RBPJ: variants seen among roughly 807,000 people sequenced by gnomAD.
RBPJ encodes the protein recombination signal binding protein for immunoglobulin kappa J region.
RBPJ carries 9 observed loss-of-function variants against 67.8 expected under a neutral mutation model. That is an observed-to-expected ratio of 0.13 (90% CI 0.08 to 0.23). RBPJ has a LOEUF of 0.23. Among genes scored for constraint, RBPJ ranks in the 10% least tolerant of loss-of-function variants. RBPJ has a pLI of 1.00. For synonymous variants in RBPJ, 198 were observed against 203.3 expected (o/e 0.97, Z 0.22); for missense variants, 305 against 595.6 (o/e 0.51, Z 5.08).
At chr4:26,140,842 T>TAAAA in the RBPJ span, among the ~76,000 whole-genome samples, 2 of 149,872 alleles carry the variant, frequency 1.3e-5, no homozygotes, top group East Asian at 3.9e-4. Context: ...CACAAATAAA[T>TAAAA]AAATAAATAA....
At chr4:26,194,802 TCA>T (rs1418674243) in intron 1 of RBPJ, among the ~76,000 whole-genome samples, 1 of 152,212 alleles carries the variant, frequency 6.6e-6, no homozygotes, top group African/African-American at 2.4e-5. Context: ...AATGTCTCCC[TCA>T]GAGAGTGGCT....
At chr4:26,135,098 T>TGCCTC in the RBPJ span, among the ~76,000 whole-genome samples, 1 of 152,140 alleles carries the variant, frequency 6.6e-6, no homozygotes, top group African/African-American at 2.4e-5. Flanking sequence ...CAGCTTGCCT[T>TGCCTC]GCCTCTTGAA....
rs185267925 is a variant in RBPJ, at chr4:26,169,932, G to A, written c.-167+6318G>A. 9.2e-3 allele frequency among the ~76,000 whole-genome samples: 1,401 copies of A among 152,270 alleles called. 22 individuals carry two copies. Among genetic ancestry groups the A allele is most frequent in the African/African-American group, 0.032 (1,320 of 41,552 alleles). On this transcript the variant is annotated intron_variant, in intron 1 of 4. Coordinates refer to the RBPJ transcript ENST00000512351. ...CATTTCCTAAGCCCGTCAGAAAAGC[G>A]CAGTATTTGGGTGGGTGTGGCCCGA... is the stretch of plus-strand genomic sequence containing the variant.
At chr4:26,224,680 C>CA (rs1393809143) in intron 1 of RBPJ, among the ~76,000 whole-genome samples, 1 of 152,128 alleles carries the variant, frequency 6.6e-6, no homozygotes, top group Admixed American at 6.5e-5. Flanking sequence ...TTCTTGATGG[C>CA]AGAATCCAAG....
chr4:26,360,547 T>C (rs1484125349), intron 1 of RBPJ, among the ~76,000 whole-genome samples: 1 of 151,258 alleles, frequency 6.6e-6, no homozygotes, highest in Non-Finnish European at 1.5e-5. Flanking sequence ...AAGGAGACTG[T>C]AGTAACTAGC....
intron 1 of RBPJ, among the ~76,000 whole-genome samples, chr4:26,282,948 T>G (rs1463298746): frequency 3.4e-4 from 27 of 80,160 alleles, no homozygotes; most frequent in Admixed American, 6.9e-4. Context: ...TTTTTTTTTT[T>G]GGGATGGAGT....
chr4:26,220,769 G>A lies in RBPJ; in HGVS notation c.-167+57155G>A, dbSNP rs1022348067. 2.6e-5 allele frequency among the ~76,000 whole-genome samples: 4 copies of A among 152,176 alleles called. No individual in the cohort carries two copies. The South Asian group carries it at 8.3e-4, about 32-fold the overall frequency. On this transcript the variant is annotated intron_variant, in intron 1 of 4. Transcript: ENST00000512351. ...TCCACAGATGAGGAACCAGAGGCTC[G>A]AAGAGTTAAGGTGTTTGTTCCAGAT...
chr4:26,140,401 G>A, the RBPJ span, among the ~76,000 whole-genome samples: 1 of 152,184 alleles, frequency 6.6e-6, no homozygotes, highest in African/African-American at 2.4e-5. Context: ...TAACTGAAGA[G>A]TACATGGCTT....
At chr4:26,251,734 G>A (rs1720117142) in intron 1 of RBPJ, among the ~76,000 whole-genome samples, 1 of 150,806 alleles carries the variant, frequency 6.6e-6, no homozygotes, top group Non-Finnish European at 1.5e-5. Context: ...TGTATTCCCA[G>A]CTACTTGGGA....
At chr4:26,213,408 A>G (rs2109175323) in intron 1 of RBPJ, among the ~76,000 whole-genome samples, 1 of 152,314 alleles carries the variant, frequency 6.6e-6, no homozygotes. Flanking sequence ...CTCTAAGAAT[A>G]AGCCTGGCTT....
At chr4:26,169,180 T>G (rs866193770) in intron 1 of RBPJ, among the ~76,000 whole-genome samples, 51 of 152,218 alleles carry the variant, frequency 3.4e-4, no homozygotes, top group African/African-American at 1.1e-3. Flanking sequence ...TTCTGCTCTG[T>G]TTTTTCCCCA....
At chr4:26,110,381 G>T in the RBPJ span, among the ~76,000 whole-genome samples, 1 of 152,278 alleles carries the variant, frequency 6.6e-6, no homozygotes, top group Admixed American at 6.5e-5. The surrounding 1 kb of genome is among the most constrained non-coding windows in gnomAD (Gnocchi z 4.5). Flanking sequence ...CTCTCCTGTA[G>T]CTCTGTGGCT....
intron 1 of RBPJ, among the ~76,000 whole-genome samples, chr4:26,258,754 T>A (rs1720428765): frequency 6.6e-6 from 1 of 152,054 alleles, no homozygotes; most frequent in Admixed American, 6.6e-5. Context: ...TTTAGATTAT[T>A]AACTGAAAAA....
intron 1 of RBPJ, among the ~76,000 whole-genome samples, chr4:26,382,039 AT>A (rs940370877): frequency 4.6e-5 from 7 of 151,952 alleles, no homozygotes; most frequent in African/African-American, 7.3e-5. Flanking sequence ...ATAAGGATTG[AT>A]TTTTTTTCCC....
chr4:26,347,978 TA>T (rs2109428636), intron 1 of RBPJ, among the ~76,000 whole-genome samples: 1 of 151,636 alleles, frequency 6.6e-6, no homozygotes, highest in East Asian at 1.9e-4. Context: ...TTTTTTTTTT[TA>T]AGATGGAGTT....
At chr4:26,368,645 T>G (rs1039213510) in intron 1 of RBPJ, among the ~76,000 whole-genome samples, 1 of 152,212 alleles carries the variant, frequency 6.6e-6, no homozygotes, top group Non-Finnish European at 1.5e-5. Flanking sequence ...GGCCCCAAAC[T>G]GAGATCAGTA....
intron 1 of RBPJ, among the ~76,000 whole-genome samples, chr4:26,276,736 G>A (rs2109270610): frequency 6.6e-6 from 1 of 152,276 alleles, no homozygotes; most frequent in East Asian, 1.9e-4. Context: ...AGAGCTACAG[G>A]AGTGACTGTC....
At chr4:26,201,653 T>C (rs975322638) in intron 1 of RBPJ, among the ~76,000 whole-genome samples, 20 of 152,296 alleles carry the variant, frequency 1.3e-4, no homozygotes, top group African/African-American at 4.6e-4. Flanking sequence ...CTGATGTAAA[T>C]CTCAATGCAT....
intron 1 of RBPJ, among the ~76,000 whole-genome samples, chr4:26,349,381 A>G (rs1726563015): frequency 6.6e-6 from 1 of 152,206 alleles, no homozygotes; most frequent in Non-Finnish European, 1.5e-5. Flanking sequence ...CAATCTTCAC[A>G]TGTAGCTTTT....
Sources: allele counts gnomAD v4.1 joint callset (sites outside exome capture counted in the v4.1 genomes callset), GRCh38; gene constraint gnomAD v4.1.1; non-coding constraint Gnocchi (gnomAD v3.1); transcripts MANE v1.5; gene names NCBI Gene and HGNC (gene_info 2026-07-23, HGNC 2026-07-21).